Variants in KLHDC4 observed in about 807,000 individuals in gnomAD.
The protein encoded by KLHDC4 is kelch domain-containing protein 4.
A neutral mutation model predicts 62.4 loss-of-function variants in KLHDC4; 90 were observed. The ratio of observed to expected loss-of-function variants is 1.44; its 90% CI spans 1.22 to 1.72. KLHDC4 has a LOEUF of 1.72. Among genes scored for constraint, KLHDC4 ranks in the 40% most tolerant of loss-of-function variants. KLHDC4 has a pLI of 0.00. For missense variants in KLHDC4, 1,025 were observed against 699.7 expected, an observed-to-expected ratio of 1.47 and a Z score of -5.25; for synonymous variants, 386 against 284.4, an observed-to-expected ratio of 1.36 and a Z score of -3.59.
In KLHDC4 at chr16:87,708,344, G is replaced by A. The variant is rs779897943; in HGVS notation, c.*1+6C>T. 89 of 1,570,540 alleles carry A rather than the reference G, an allele frequency of 5.7e-5. No homozygotes were observed. The highest frequency in any genetic ancestry group is 6.7e-5 in the Non-Finnish European group (77 of 1,155,848). On this transcript the variant is annotated splice_donor_region_variant and intron_variant, in intron 11 of 11. Coordinates refer to ENST00000270583, the MANE Select transcript of KLHDC4 (RefSeq NM_017566.4). ...CCGCGCCACCCGCCAGCCCGAGCCC[G>A]CTCACCTCAGTCCTCCGCACCGCTC...
intron 7 of KLHDC4, among the ~76,000 whole-genome samples, chr16:87,719,900 G>A (rs180788715): frequency 5.8e-4 from 89 of 152,290 alleles, no homozygotes; most frequent in Admixed American, 4.4e-3. Context: ...CTGAACGTTT[G>A]GAGGCGCATC....
intron 5 of KLHDC4, among the ~76,000 whole-genome samples, chr16:87,736,863 G>T (rs55950332): frequency 6.6e-6 from 1 of 151,694 alleles, no homozygotes; most frequent in East Asian, 1.9e-4. Context: ...GGTGGCTCAC[G>T]CCTGTAATCC....
At position 87,760,415 on chromosome 16, in the gene KLHDC4, G is replaced by A. The variant is rs559695432; in HGVS notation, c.191+1534C>T. ...GAGGTCAGAAGATCAAGACCATCCT[G>A]GCCAACATGGTGAAACCCCGTCTCT... On this transcript the variant is annotated intron_variant, in intron 2 of 11. Transcript: ENST00000270583. 2.7e-5 allele frequency among the ~76,000 whole-genome samples: 4 copies of A among 150,712 alleles called. No homozygotes were observed. The East Asian group carries it at 7.9e-4, about 30-fold the overall frequency.
intron 8 of KLHDC4, among the ~76,000 whole-genome samples, chr16:87,714,135 C>G (rs1323285849): frequency 6.6e-6 from 1 of 152,200 alleles, no homozygotes; most frequent in Non-Finnish European, 1.5e-5. Flanking sequence ...CTCCTGGTGG[C>G]TTGTACTCAA....
chr16:87,744,347 G>A (rs2042701477), intron 5 of KLHDC4, among the ~76,000 whole-genome samples: 1 of 151,890 alleles, frequency 6.6e-6, no homozygotes, highest in Non-Finnish European at 1.5e-5. Context: ...CCTCTGAGGT[G>A]GAGGTGGCAG....
intron 1 of KLHDC4, among the ~76,000 whole-genome samples, chr16:87,764,319 T>C (rs746406710): frequency 2.0e-5 from 3 of 151,988 alleles, no homozygotes; most frequent in Admixed American, 6.6e-5. Context: ...CACCTTAGTA[T>C]TGGGTACTGG....
At chr16:87,704,368 G>A (rs1362826879), downstream of KLHDC4, among the ~76,000 whole-genome samples, 1 of 131,894 alleles carries the variant, frequency 7.6e-6, no homozygotes, top group Non-Finnish European at 1.6e-5. Context: ...GGAAGGAGGC[G>A]CCTGGGGAGG....
chr16:87,752,874 C>T (rs1320367848), intron 4 of KLHDC4, among the ~76,000 whole-genome samples: 2 of 152,240 alleles, frequency 1.3e-5, no homozygotes, highest in Non-Finnish European at 2.9e-5. Context: ...ACCTGTACCA[C>T]GTTAGCTCCG....
intron 4 of KLHDC4, among the ~76,000 whole-genome samples, chr16:87,753,990 A>T (rs971291201): frequency 6.7e-6 from 1 of 149,700 alleles, no homozygotes; most frequent in Non-Finnish European, 1.5e-5. Context: ...AAAAAAAAAA[A>T]GTAGCCGGAC....
At chr16:87,709,769 C>T in intron 9 of KLHDC4, 102 bp from the exon 10 acceptor site, 3 of 1,348,580 alleles carry the variant, frequency 2.2e-6, no homozygotes, top group Non-Finnish European at 3.0e-6. Context: ...GGACCACCCA[C>T]AAGCGTGGGG....
At chr16:87,740,422 A>G (rs1415766750) in intron 5 of KLHDC4, among the ~76,000 whole-genome samples, 1 of 152,118 alleles carries the variant, frequency 6.6e-6, no homozygotes, top group Non-Finnish European at 1.5e-5. Context: ...GGTTCCCAGG[A>G]GCAGCCGCCT....
chr16:87,700,566 G>A (rs1034822914), exon 1 of KLHDC4: 2 of 173,562 alleles, frequency 1.2e-5, no homozygotes, highest in Non-Finnish European at 2.4e-5. Context: ...GAGGGAAGAG[G>A]GTAGAAGGAA....
chr16:87,715,539 G>A (rs1363697608), intron 7 of KLHDC4, among the ~76,000 whole-genome samples: 1 of 152,134 alleles, frequency 6.6e-6, no homozygotes, highest in Non-Finnish European at 1.5e-5. Context: ...GTTCCTCTGG[G>A]CCCTGAGCTT....
chr16:87,717,949 C>T (rs2037332483), intron 7 of KLHDC4, among the ~76,000 whole-genome samples: 1 of 152,152 alleles, frequency 6.6e-6, no homozygotes, highest in Non-Finnish European at 1.5e-5. Flanking sequence ...CCCCTCCAGA[C>T]CATGCAAGCC....
chr16:87,736,226 G>A (rs1362964870), intron 5 of KLHDC4, among the ~76,000 whole-genome samples: 1 of 152,190 alleles, frequency 6.6e-6, no homozygotes, highest in East Asian at 1.9e-4. Context: ...GCACAGTACT[G>A]TCCCAGACAC....
At chr16:87,718,349 TCCCC>T (rs1451330644) in intron 7 of KLHDC4, among the ~76,000 whole-genome samples, 34 of 28,004 alleles carry the variant, frequency 1.2e-3, no homozygotes, top group African/African-American at 4.8e-3. Flanking sequence ...CTCCTCCCCC[TCCCC>T]CTCCCTCTCC....
chr16:87,750,841 C>T (rs1160636451), intron 4 of KLHDC4: 2 of 152,292 alleles, frequency 1.3e-5, no homozygotes, highest in East Asian at 3.8e-4. Context: ...TCCAGTTGTT[C>T]TTTGCATCTG....
Position 87,758,448 on chromosome 16 carries a change from C to G in KLHDC4, c.192-1971G>C, listed in dbSNP as rs1597395684. On this transcript the variant is annotated intron_variant, in intron 2 of 11. Coordinates refer to ENST00000270583, the MANE Select transcript of KLHDC4 (RefSeq NM_017566.4). ...CATACCAGGTGAAGGAAGTCAGTCA[C>G]AAAAAGACACTTCTATGACTCCACT... Among the ~76,000 whole-genome samples the G allele has an allele frequency of 5.3e-5, 8 of 152,266 alleles. No homozygotes were observed. The South Asian group carries it at 1.7e-3, about 32-fold the overall frequency.
At chr16:87,756,161 C>G (rs185480275) in intron 3 of KLHDC4, 50 of 376,422 alleles carry the variant, frequency 1.3e-4, no homozygotes, top group African/African-American at 9.4e-4. Flanking sequence ...GTGATGACGG[C>G]AGAGCTGGGC....
Sources: allele counts gnomAD v4.1 joint callset (sites outside exome capture counted in the v4.1 genomes callset), GRCh38; gene constraint gnomAD v4.1.1; transcripts MANE v1.5; gene names NCBI Gene and HGNC (gene_info 2026-07-23, HGNC 2026-07-21).